CPNE4: variants seen among roughly 807,000 people sequenced by gnomAD.
CPNE4 encodes the protein copine 4, also known as copine-4.
Under a neutral mutation model 67.9 loss-of-function variants are expected in CPNE4, and 25 were observed. The observed-to-expected ratio is 0.37, with a 90% confidence interval of 0.27 to 0.51. CPNE4 has a LOEUF of 0.51. CPNE4 is among the 20% of genes least tolerant of loss of function. CPNE4 has a pLI of 0.93. For missense variants in CPNE4, 464 were observed against 690.8 expected, an observed-to-expected ratio of 0.67 and a Z score of 3.68; for synonymous variants, 242 against 244.9, an observed-to-expected ratio of 0.99 and a Z score of 0.11.
chr3:131,722,741 C>T (rs1449644036), intron 3 of CPNE4, among the ~76,000 whole-genome samples: 1 of 152,104 alleles, frequency 6.6e-6, no homozygotes, highest in African/African-American at 2.4e-5. Flanking sequence ...TACTTTTTGA[C>T]TCACTTACTG....
intron 15 of CPNE4, among the ~76,000 whole-genome samples, chr3:131,536,207 T>G (rs1935135860): frequency 6.6e-6 from 1 of 152,192 alleles, no homozygotes; most frequent in Non-Finnish European, 1.5e-5. Flanking sequence ...CATTTAGCCT[T>G]TATTCTATCA....
In CPNE4 at chr3:131,621,654, T is replaced by C. The variant is rs559005807; in HGVS notation, c.682-34072A>G. Among the ~76,000 whole-genome samples the C allele has an allele frequency of 3.3e-5, 5 of 152,258 alleles. No individual in the cohort carries two copies. The East Asian group carries it at 9.7e-4, about 29-fold the overall frequency. ...TGGAGAATCTTCCCCATGAAACTTG[T>C]AGTCCATAAATCCTATTCTGAGGAA... On this transcript the variant is annotated intron_variant, in intron 7 of 15. Coordinates refer to ENST00000429747, the MANE Select transcript of CPNE4 (RefSeq NM_130808.3).
chr3:131,942,457 TGTGTGTGA>T (rs1271474766), intron 1 of CPNE4, among the ~76,000 whole-genome samples: 17 of 61,022 alleles, frequency 2.8e-4, no homozygotes, highest in Admixed American at 4.5e-4. Flanking sequence ...TGTGTGTGTG[TGTGTGTGA>T]GAGAGAGAGA....
intron 7 of CPNE4, among the ~76,000 whole-genome samples, chr3:131,631,124 T>C (rs572078571): frequency 6.6e-5 from 10 of 152,294 alleles, no homozygotes; most frequent in Non-Finnish European, 1.2e-4. Flanking sequence ...TCAGATATCT[T>C]TTTTCTCAGA....
At chr3:132,031,982 AT>A (rs1427431048) in intron 1 of CPNE4, among the ~76,000 whole-genome samples, 3 of 152,186 alleles carry the variant, frequency 2.0e-5, no homozygotes. Flanking sequence ...ACTAACTGAA[AT>A]GAGGTATTTT....
intron 8 of CPNE4, among the ~76,000 whole-genome samples, chr3:131,582,848 G>A (rs1937926773): frequency 6.6e-6 from 1 of 152,196 alleles, no homozygotes; most frequent in African/African-American, 2.4e-5. Flanking sequence ...ATGCACGAGT[G>A]AGTTCTGTTG....
At chr3:131,646,608 A>G (rs1429003865) in intron 7 of CPNE4, among the ~76,000 whole-genome samples, 1 of 152,168 alleles carries the variant, frequency 6.6e-6, no homozygotes, top group East Asian at 1.9e-4. Context: ...ATTGTTTGTA[A>G]CTCAAAGGGT....
At chr3:131,780,223 T>C (rs1249922191) in intron 2 of CPNE4, among the ~76,000 whole-genome samples, 1 of 152,156 alleles carries the variant, frequency 6.6e-6, no homozygotes, top group Non-Finnish European at 1.5e-5. Flanking sequence ...ACTTATACAC[T>C]GCTGGCAAGA....
intron 10 of CPNE4, among the ~76,000 whole-genome samples, chr3:131,572,963 G>A (rs924972937): frequency 2.0e-5 from 3 of 151,926 alleles, no homozygotes; most frequent in South Asian, 2.1e-4. Context: ...AATAAGACAC[G>A]ATACTTTTTC....
chr3:131,985,770 A>T (rs1258826073), intron 1 of CPNE4: 1 of 153,626 alleles, frequency 6.5e-6, no homozygotes, highest in Non-Finnish European at 1.5e-5. Context: ...AAAAACCTTA[A>T]GTGAGATGCT....
At chr3:131,712,665 C>T (rs2081587727) in intron 3 of CPNE4, among the ~76,000 whole-genome samples, 1 of 152,182 alleles carries the variant, frequency 6.6e-6, no homozygotes, top group Non-Finnish European at 1.5e-5. Flanking sequence ...TATTAGACTT[C>T]AACAAACTGG....
intron 6 of CPNE4, among the ~76,000 whole-genome samples, chr3:131,670,323 A>G (rs1193430280): frequency 6.6e-6 from 1 of 152,212 alleles, no homozygotes; most frequent in Non-Finnish European, 1.5e-5. Flanking sequence ...CTTATCACCA[A>G]CTCAATTACA....
At chr3:131,765,770 T>G (rs949226244) in intron 2 of CPNE4, among the ~76,000 whole-genome samples, 4 of 151,968 alleles carry the variant, frequency 2.6e-5, no homozygotes, top group African/African-American at 4.8e-5. Flanking sequence ...CTGAGGCAAA[T>G]CTAGAACCCT....
At chr3:131,574,477 C>T (rs1937494064) in intron 10 of CPNE4, among the ~76,000 whole-genome samples, 1 of 152,082 alleles carries the variant, frequency 6.6e-6, no homozygotes. Context: ...ATCCCAAGGG[C>T]ACACAAATTA....
At chr3:131,601,801 G>A (rs1939221799) in intron 7 of CPNE4, among the ~76,000 whole-genome samples, 1 of 152,228 alleles carries the variant, frequency 6.6e-6, no homozygotes, top group African/African-American at 2.4e-5. Context: ...GTATCTCAAA[G>A]CACTTCTCTA....
chr3:131,972,285 G>C (rs187115981), intron 1 of CPNE4, among the ~76,000 whole-genome samples: 1 of 152,188 alleles, frequency 6.6e-6, no homozygotes, highest in African/African-American at 2.4e-5. Flanking sequence ...ACATACTTCT[G>C]TATGACTGAA....
At chr3:131,875,108 G>A (rs1412872703) in intron 2 of CPNE4, among the ~76,000 whole-genome samples, 1 of 152,160 alleles carries the variant, frequency 6.6e-6, no homozygotes, top group Non-Finnish European at 1.5e-5. Flanking sequence ...CACTCAATGT[G>A]TAAGTAAAAT....
chr3:131,582,746 T>C (rs1937920005), intron 8 of CPNE4, among the ~76,000 whole-genome samples: 1 of 152,198 alleles, frequency 6.6e-6, no homozygotes, highest in South Asian at 2.1e-4. Context: ...TGGGAAGTTT[T>C]CAGGGCCATA....
At chr3:131,803,227 G>T (rs1302602669) in intron 2 of CPNE4, among the ~76,000 whole-genome samples, 2 of 152,148 alleles carry the variant, frequency 1.3e-5, no homozygotes, top group Non-Finnish European at 2.9e-5. Context: ...TTTGAGTATG[G>T]TTATGATTGC....
Sources: allele counts gnomAD v4.1 joint callset (sites outside exome capture counted in the v4.1 genomes callset), GRCh38; gene constraint gnomAD v4.1.1; transcripts MANE v1.5; gene names NCBI Gene and HGNC (gene_info 2026-07-23, HGNC 2026-07-21).